The following USP15 variants were observed in gnomAD, a reference collection of about 807,000 sequenced individuals.
The protein encoded by USP15 is ubiquitin carboxyl-terminal hydrolase 15.
A neutral mutation model predicts 127.1 loss-of-function variants in USP15; 18 were observed. The ratio of observed to expected loss-of-function variants is 0.14; its 90% confidence interval spans 0.10 to 0.21. USP15 has a LOEUF of 0.21. Ranked by LOEUF, USP15 falls within the 10% of genes least tolerant of loss-of-function variation. The probability of loss-of-function intolerance (pLI) is 1.00; values close to 1 mark genes in which losing one functional copy is unlikely to be tolerated. For synonymous variants in USP15, 364 were observed against 393.7 expected (o/e 0.92, Z 0.89); for missense variants, 805 against 1,159.9 (o/e 0.69, Z 4.44).
At chr12:62,346,266 AT>A (rs2065814708) in intron 6 of USP15, among the ~76,000 whole-genome samples, 1 of 152,096 alleles carries the variant, frequency 6.6e-6, no homozygotes, top group African/African-American at 2.4e-5. Context: ...ATAATTTTTT[AT>A]TTTTTTCAAT....
At chr12:62,295,180 C>T (rs1565827172) in intron 2 of USP15, among the ~76,000 whole-genome samples, 2 of 152,246 alleles carry the variant, frequency 1.3e-5, no homozygotes, top group East Asian at 1.9e-4. Flanking sequence ...TATTAAACCG[C>T]ACTTTGCATA....
Position 62,280,982 on chromosome 12 carries a change from G to C in USP15, c.90-13197G>C, listed in dbSNP as rs150535236. ...AAAAGAAACTCAAAGTGAAAATTGG[G>C]CTTATCTGGACCCTAATAGTATATA... On this transcript the variant is annotated intron_variant, in intron 1 of 21. Coordinates refer to ENST00000280377, the MANE Select transcript of USP15 (RefSeq NM_001252078.2). Among the ~76,000 whole-genome samples, 270 of 152,224 alleles carry C rather than the reference G, an allele frequency of 1.8e-3. 1 individual carries two copies. The highest frequency in any genetic ancestry group is 6.4e-3 in the African/African-American group (266 of 41,530).
chr12:62,286,189 G>GA lies in USP15; in HGVS notation c.90-7982dup, dbSNP rs1004257153. 3.2e-3 allele frequency among the ~76,000 whole-genome samples: 475 copies of GA among 150,540 alleles called. 1 individual carries two copies. Among genetic ancestry groups the GA allele is most frequent in the African/African-American group, 1.0e-2 (410 of 41,026 alleles). ...CTGGACTCTATAAGGAACTTAATAA[G>GA]AAAAAAAACGCCCATTAAAAAGTGG... On this transcript the variant is annotated intron_variant, in intron 1 of 21. Coordinates refer to ENST00000280377, the MANE Select transcript of USP15 (RefSeq NM_001252078.2).
At chr12:62,327,540 T>C (rs2065162452) in intron 6 of USP15, 3 of 365,346 alleles carry the variant, frequency 8.2e-6, no homozygotes, top group Non-Finnish European at 1.0e-5. Context: ...ACAAAATTGT[T>C]TGTGGATTAA....
At chr12:62,323,664 G>A (rs554527927) in intron 5 of USP15, among the ~76,000 whole-genome samples, 19 of 151,892 alleles carry the variant, frequency 1.3e-4, no homozygotes, top group Non-Finnish European at 2.5e-4. Flanking sequence ...CTCTCTCCTT[G>A]GTTTTCATCC....
At chr12:62,289,811 C>T (rs985472841) in intron 1 of USP15, among the ~76,000 whole-genome samples, 5 of 148,156 alleles carry the variant, frequency 3.4e-5, no homozygotes, top group African/African-American at 1.2e-4. Flanking sequence ...GTTGTATCTC[C>T]TTTTTCATTC....
chr12:62,294,319 TTC>T lies in USP15; in HGVS notation c.217+14_217+15del. 1 of 1,601,966 alleles carries T rather than the reference TTC, an allele frequency of 6.2e-7. No individual in the cohort carries two copies. The highest frequency in any genetic ancestry group is 8.5e-7 in the Non-Finnish European group (1 of 1,176,930). ...GGACTTCTCAAAGGTCATTATTTTC[TTC>T]CTTCAGTCAAGTTGTAAATGTGTTA... On this transcript the variant is annotated intron_variant, in intron 2 of 21. Transcript: ENST00000280377.
chr12:62,346,094 T>C (rs1372956469), intron 6 of USP15, among the ~76,000 whole-genome samples: 4 of 152,216 alleles, frequency 2.6e-5, no homozygotes, highest in Non-Finnish European at 5.9e-5. Context: ...ATGAAAACAA[T>C]GACTGGTTCC....
At chr12:62,313,087 G>A (rs889395618) in intron 3 of USP15, among the ~76,000 whole-genome samples, 7 of 151,426 alleles carry the variant, frequency 4.6e-5, no homozygotes, top group African/African-American at 1.5e-4. Context: ...AAATATAGTA[G>A]CAGTTTTCTG....
At chr12:62,392,036 T>G in intron 17 of USP15, 150 bp downstream of exon 17, 2 of 892,902 alleles carry the variant, frequency 2.2e-6, no homozygotes, top group Middle Eastern at 4.6e-4. Context: ...GAAAAAAAAG[T>G]CTTTGCAAAA....
chr12:62,285,604 ATTC>A (rs2063763724), intron 1 of USP15, among the ~76,000 whole-genome samples: 1 of 152,000 alleles, frequency 6.6e-6, no homozygotes, highest in African/African-American at 2.4e-5. Context: ...ACATGGTTTT[ATTC>A]TTTTTTATGG....
At chr12:62,377,261 A>T (rs2066860075) in intron 8 of USP15, among the ~76,000 whole-genome samples, 1 of 152,198 alleles carries the variant, frequency 6.6e-6, no homozygotes. Context: ...ACTGAAAATT[A>T]TCTTTGTTCA....
At chr12:62,335,220 G>C in intron 6 of USP15, 2 of 1,535,432 alleles carry the variant, frequency 1.3e-6, no homozygotes, top group Non-Finnish European at 1.7e-6. Flanking sequence ...ATACGTCACA[G>C]AAAGAGAGCT....
At chr12:62,391,541 C>G in intron 16 of USP15, 112 bp downstream of exon 16, 18 of 1,360,098 alleles carry the variant, frequency 1.3e-5, no homozygotes, top group South Asian at 2.9e-5. Context: ...ATTTACTTTT[C>G]TATCTCAAAT....
At chr12:62,293,506 AC>A (rs1405501622) in intron 1 of USP15, among the ~76,000 whole-genome samples, 1 of 151,978 alleles carries the variant, frequency 6.6e-6, no homozygotes, top group African/African-American at 2.4e-5. Flanking sequence ...ACAGGCACCT[AC>A]CACTATGCCT....
chr12:62,408,372 G>A lies in USP15; in HGVS notation c.*3997G>A, dbSNP rs1592755104. ...TGATCTTCTGTGCTTGTGCAGTGTA[G>A]ATGAGCTCACCGCTTTAATTTTTAA... On this transcript the variant is annotated 3_prime_UTR_variant, in exon 22 of 22. Transcript: ENST00000280377. The A allele has an allele frequency of 6.6e-6, 1 of 152,080 alleles. No individual in the cohort carries two copies. Among genetic ancestry groups the A allele is most frequent in the African/African-American group, 2.4e-5 (1 of 41,428 alleles). 9.4% of individuals were successfully genotyped at this position (152,080 alleles called of 1,614,324 possible). A position where few individuals can be genotyped will look rare whatever the true frequency, so the allele number is the denominator to read the frequency against.
At position 62,413,311 on chromosome 12, in the gene USP15, A is replaced by G. The variant is rs1027627800; in HGVS notation, c.*8936A>G. The stretch of plus-strand genomic sequence containing the variant: ...GACCCTAGGATTTTTGGAATGATAA[A>G]TGAACATTAGTTAGCATTGCATTGG... On this transcript the variant is annotated 3_prime_UTR_variant, in exon 22 of 22. Coordinates refer to ENST00000280377, the MANE Select transcript of USP15 (RefSeq NM_001252078.2). 1 of 152,220 alleles carries G rather than the reference A, an allele frequency of 6.6e-6. No individual in the cohort carries two copies. The highest frequency in any genetic ancestry group is 1.5e-5 in the Non-Finnish European group (1 of 68,048). The allele number at this position is 152,220 out of a possible 1,614,324, so 9.4% of individuals were successfully genotyped here.
chr12:62,308,228 G>A (rs1283119745), intron 3 of USP15, among the ~76,000 whole-genome samples: 3 of 151,864 alleles, frequency 2.0e-5, no homozygotes, highest in African/African-American at 7.3e-5. Flanking sequence ...AGACTAGTTG[G>A]GGCCTTTGGA....
At chr12:62,401,814 C>T (rs1177247747) in intron 21 of USP15, among the ~76,000 whole-genome samples, 1 of 151,288 alleles carries the variant, frequency 6.6e-6, no homozygotes, top group African/African-American at 2.4e-5. Context: ...CGTCTGTTCA[C>T]ACTTACATCA....
Sources: allele counts gnomAD v4.1 joint callset (sites outside exome capture counted in the v4.1 genomes callset), GRCh38; gene constraint gnomAD v4.1.1; transcripts MANE v1.5; gene names NCBI Gene and HGNC (gene_info 2026-07-23, HGNC 2026-07-21).